The following PPFIBP2 variants were observed in gnomAD, a reference collection of about 807,000 sequenced individuals.
PPFIBP2 encodes liprin-beta-2.
PPFIBP2 carries 118 observed loss-of-function variants against 118.3 expected under a neutral mutation model. The ratio of observed to expected loss-of-function variants is 1.00; its 90% CI spans 0.86 to 1.16. The LOEUF is 1.16. Ranked by LOEUF, PPFIBP2 falls within the 50% of genes most tolerant of loss-of-function variation. PPFIBP2 has a pLI of 0.00. For missense variants in PPFIBP2, 1,195 were observed against 1,073.1 expected, an observed-to-expected ratio of 1.11 and a Z score of -1.59; for synonymous variants, 414 against 397.4, an observed-to-expected ratio of 1.04 and a Z score of -0.50.
chr11:7,547,085 T>C (rs573309066), intron 1 of PPFIBP2, among the ~76,000 whole-genome samples: 2 of 152,268 alleles, frequency 1.3e-5, no homozygotes, highest in Admixed American at 1.3e-4. Flanking sequence ...TGTGGGAAGG[T>C]GGCCAGTTAG....
At chr11:7,544,332 G>C (rs1217013450) in intron 1 of PPFIBP2, among the ~76,000 whole-genome samples, 2 of 152,156 alleles carry the variant, frequency 1.3e-5, no homozygotes, top group East Asian at 3.9e-4. Flanking sequence ...TGTGTGCTAA[G>C]AGCAATATCC....
intron 3 of PPFIBP2, among the ~76,000 whole-genome samples, chr11:7,591,696 G>C (rs1191090227): frequency 1.3e-5 from 2 of 152,214 alleles, no homozygotes; most frequent in African/African-American, 2.4e-5. Context: ...AGACAGTGGT[G>C]TGGCAGCAGG....
At chr11:7,563,483 A>G (rs543745482) in intron 2 of PPFIBP2, among the ~76,000 whole-genome samples, 2 of 152,220 alleles carry the variant, frequency 1.3e-5, no homozygotes, top group East Asian at 3.9e-4. Context: ...TGTATCATGC[A>G]TTTTCAGAAA....
At chr11:7,538,485 G>C (rs1481857459) in intron 1 of PPFIBP2, 1 of 152,774 alleles carries the variant, frequency 6.5e-6, no homozygotes, top group East Asian at 1.9e-4. Flanking sequence ...TGCTTAAAGG[G>C]CTGTGGTTTG....
chr11:7,649,358 C>G (rs1853625531), intron 20 of PPFIBP2, 123 bp downstream of exon 20: 1 of 1,255,732 alleles, frequency 8.0e-7, no homozygotes, highest in Admixed American at 2.0e-5. Flanking sequence ...TATCATTTGT[C>G]ACAAAAGAGG....
chr11:7,636,127 A>C (rs1460169290), intron 14 of PPFIBP2, among the ~76,000 whole-genome samples: 1 of 152,226 alleles, frequency 6.6e-6, no homozygotes, highest in Non-Finnish European at 1.5e-5. Flanking sequence ...AATTAGCATG[A>C]TTTCAGCCAC....
downstream of PPFIBP2, chr11:7,655,442 T>A (rs1854589952): frequency 7.8e-7 from 1 of 1,289,640 alleles, no homozygotes; most frequent in African/African-American, 1.5e-5. Flanking sequence ...GATGGCACCT[T>A]CGGAAGGTAC....
intron 5 of PPFIBP2, 115 bp downstream of exon 5, chr11:7,597,788 G>A (rs867592797): frequency 1.2e-5 from 10 of 848,120 alleles, no homozygotes; most frequent in South Asian, 3.1e-5. Flanking sequence ...GCCTGGGGGC[G>A]GGATTGGCTG....
intron 1 of PPFIBP2, among the ~76,000 whole-genome samples, chr11:7,520,457 C>T (rs1365282485): frequency 1.3e-5 from 2 of 152,074 alleles, no homozygotes; most frequent in Admixed American, 6.5e-5. Flanking sequence ...CCTTTCAGAC[C>T]CCAGGGAGAA....
chr11:7,620,308 T>C (rs1021385648), intron 6 of PPFIBP2, among the ~76,000 whole-genome samples: 2 of 152,196 alleles, frequency 1.3e-5, no homozygotes, highest in African/African-American at 4.8e-5. Context: ...CCCTCAGCTC[T>C]AGCCGCATGA....
chr11:7,653,769 C>T (rs1854418150), downstream of PPFIBP2: 26 of 1,199,310 alleles, frequency 2.2e-5, no homozygotes, highest in South Asian at 4.0e-4. Flanking sequence ...AAGCAGCTCA[C>T]CATATCTTTA....
At chr11:7,556,690 T>G (rs1360355892) in intron 2 of PPFIBP2, among the ~76,000 whole-genome samples, 1 of 152,208 alleles carries the variant, frequency 6.6e-6, no homozygotes, top group Non-Finnish European at 1.5e-5. Flanking sequence ...CAGTAATAGA[T>G]TGTATTAGTC....
chr11:7,648,512 C>T lies in PPFIBP2; in HGVS notation c.1772C>T (p.Thr591Ile). Residue 591 changes from threonine to isoleucine, a missense_variant, in exon 18 of 24, where the codon ACA (threonine) becomes ATA (isoleucine). Thr to Ile is a moderately conservative substitution (Grantham distance 89). Transcript: ENST00000299492. ...QWVSSGHTLLTATPQDMEKEL... is the reference protein window; with the variant it reads ...QWVSSGHTLLIATPQDMEKEL... ...GTATCTTCTGGCCACACCTTATTGA[C>T]AGCCACCCCTCAGGACATGGAAAAG... 3 of 1,614,096 alleles carry T rather than the reference C, an allele frequency of 1.9e-6. No homozygotes were observed. Among genetic ancestry groups the T allele is most frequent in the Non-Finnish European group, 2.5e-6 (3 of 1,180,026 alleles).
chr11:7,657,655 C>G (rs1040019724), downstream of PPFIBP2, among the ~76,000 whole-genome samples: 1 of 152,198 alleles, frequency 6.6e-6, no homozygotes, highest in African/African-American at 2.4e-5. Flanking sequence ...CTCCAGGCGT[C>G]TGCTCAGGCC....
intron 2 of PPFIBP2, among the ~76,000 whole-genome samples, chr11:7,554,004 T>A (rs1222864131): frequency 6.6e-6 from 1 of 152,158 alleles, no homozygotes; most frequent in Non-Finnish European, 1.5e-5. Context: ...TTCCTTTGCT[T>A]AAGGGTGGCA....
chr11:7,549,925 G>A (rs1280401483), intron 2 of PPFIBP2, among the ~76,000 whole-genome samples: 6 of 152,194 alleles, frequency 3.9e-5, no homozygotes, highest in African/African-American at 1.4e-4. Flanking sequence ...TAATGCAGGT[G>A]TCAGCGTCCT....
chr11:7,548,043 C>G (rs1852522952), intron 1 of PPFIBP2, among the ~76,000 whole-genome samples: 1 of 152,150 alleles, frequency 6.6e-6, no homozygotes, highest in Non-Finnish European at 1.5e-5. Context: ...ATATTGAACA[C>G]TTTGTGCAAA....
intron 1 of PPFIBP2, among the ~76,000 whole-genome samples, chr11:7,533,440 G>A (rs1448950998): frequency 1.3e-5 from 2 of 152,186 alleles, no homozygotes; most frequent in South Asian, 2.1e-4. Flanking sequence ...TCTTTGCTGG[G>A]CTCTGAGGAT....
Position 7,589,243 on chromosome 11 carries a change from G to C in PPFIBP2, c.280-3889G>C, listed in dbSNP as rs775340104. On this transcript the variant is annotated intron_variant, in intron 3 of 23. Transcript: ENST00000299492. Reference sequence around the variant, plus strand: ...GAGCATCCTTAACAAGTATAACGGGGGTGGATGATACTCTCCTTTATAGTC... The same window carrying C: ...GAGCATCCTTAACAAGTATAACGGGCGTGGATGATACTCTCCTTTATAGTC... Among the ~76,000 whole-genome samples the C allele has an allele frequency of 1.1e-4, 16 of 152,182 alleles. 1 individual carries two copies. In the East Asian group the frequency reaches 1.2e-3, roughly 11 times the overall value.
Sources: gnomAD v4.1 joint callset for allele counts (sites outside exome capture counted in the v4.1 genomes callset) on GRCh38, gnomAD v4.1.1 for gene constraint, MANE v1.5 for transcripts, NCBI Gene and HGNC (gene_info 2026-07-23, HGNC 2026-07-21) for gene names.